The following PLEKHA6 variants were observed in gnomAD, a reference collection of about 807,000 sequenced individuals.
The protein encoded by PLEKHA6 is pleckstrin homology domain-containing family A member 6.
A neutral mutation model predicts 116.7 loss-of-function variants in PLEKHA6; 60 were observed. That is an observed-to-expected ratio of 0.51 (90% confidence interval 0.42 to 0.64). PLEKHA6 has a LOEUF of 0.64. PLEKHA6 is among the 30% of genes least tolerant of loss of function. The probability of loss-of-function intolerance (pLI) is 0.00; values close to 1 mark genes in which losing one functional copy is unlikely to be tolerated. For missense variants in PLEKHA6, 1,338 were observed against 1,422.7 expected (o/e 0.94, Z 0.96); for synonymous variants, 489 against 556.1 (o/e 0.88, Z 1.70).
intron 1 of PLEKHA6, among the ~76,000 whole-genome samples, chr1:204,347,785 T>G (rs1332543202): frequency 6.6e-6 from 1 of 152,148 alleles, no homozygotes; most frequent in Non-Finnish European, 1.5e-5. Flanking sequence ...AAGGTCACCC[T>G]GGACAAGCTG....
intron 2 of PLEKHA6, chr1:204,369,836 C>T (rs1197466058): frequency 2.0e-5 from 3 of 152,210 alleles, no homozygotes; most frequent in African/African-American, 4.8e-5. Context: ...GAAGGTGACA[C>T]CACCATCAAC....
At chr1:204,262,392 T>C (rs1666239572) in intron 6 of PLEKHA6, among the ~76,000 whole-genome samples, 1 of 152,138 alleles carries the variant, frequency 6.6e-6, no homozygotes, top group South Asian at 2.1e-4. Context: ...GTCTGCCTGG[T>C]GAAATTCAAA....
chr1:204,344,195 G>A (rs76862333), intron 1 of PLEKHA6, among the ~76,000 whole-genome samples: 2,838 of 152,246 alleles, frequency 0.019, 95 homozygotes, highest in African/African-American at 0.064. Flanking sequence ...ATATGTAAAT[G>A]AGCTGTTGCT....
At chr1:204,285,331 A>C (rs1313455873) in intron 1 of PLEKHA6, among the ~76,000 whole-genome samples, 1 of 152,268 alleles carries the variant, frequency 6.6e-6, no homozygotes, top group Non-Finnish European at 1.5e-5. Context: ...AAAGAAAGGA[A>C]AATCTGCTGT....
Position 204,264,985 on chromosome 1 carries a change from G to A in PLEKHA6, c.338C>T (p.Ala113Val). 6.2e-7 allele frequency: 1 copy of A among 1,614,146 alleles called. No homozygotes were observed. Among genetic ancestry groups the A allele is most frequent in the Non-Finnish European group, 8.5e-7 (1 of 1,179,966 alleles). The change falls in exon 6 of 23, where the codon GCA becomes GTA. Residue 113 changes from alanine to valine, a missense_variant. By Grantham distance (64) the Ala-to-Val change is moderately conservative. This residue lies in a region of PLEKHA6 where 140 missense variants were observed against 197.4 expected (regional missense o/e 0.71). Coordinates refer to ENST00000272203, the MANE Select transcript of PLEKHA6 (RefSeq NM_014935.5). Reference protein sequence around the residue: ...SIPLLSFRVAAVQPSDNISRK... With the variant: ...SIPLLSFRVAVVQPSDNISRK... The stretch of plus-strand genomic sequence containing the variant: ...GCTGATGTTGTCTGAGGGCTGCACT[G>A]CGGCTACCCGGAAGCTCAGGAGGGG...
chr1:204,230,229 C>T (rs905256945), intron 18 of PLEKHA6, among the ~76,000 whole-genome samples, 184 bp downstream of exon 18: 7 of 152,246 alleles, frequency 4.6e-5, no homozygotes, highest in Non-Finnish European at 8.8e-5. Flanking sequence ...AAGAAAAAGT[C>T]AACACTTGAA....
At chr1:204,331,199 CAAAAAAAA>C (rs5780231) in intron 1 of PLEKHA6, among the ~76,000 whole-genome samples, 3 of 75,824 alleles carry the variant, frequency 4.0e-5, no homozygotes, top group Non-Finnish European at 7.8e-5. Context: ...GACTCTGTCT[CAAAAAAAA>C]AAAAAAAAAA....
At chr1:204,249,691 T>C (rs1239202738) in intron 10 of PLEKHA6, among the ~76,000 whole-genome samples, 1 of 152,134 alleles carries the variant, frequency 6.6e-6, no homozygotes, top group Non-Finnish European at 1.5e-5. Context: ...CTCCCTTCTC[T>C]CTCAAGATCC....
At chr1:204,348,618 A>G (rs1673158583) in intron 1 of PLEKHA6, among the ~76,000 whole-genome samples, 1 of 151,922 alleles carries the variant, frequency 6.6e-6, no homozygotes, top group South Asian at 2.1e-4. Flanking sequence ...TTTTATCACA[A>G]TAAATATTTA....
At chr1:204,341,383 C>T (rs774827310) in intron 1 of PLEKHA6, among the ~76,000 whole-genome samples, 24 of 151,858 alleles carry the variant, frequency 1.6e-4, no homozygotes, top group Non-Finnish European at 2.9e-4. Context: ...CTTTAAAGCA[C>T]CCCCCAGAGG....
chr1:204,220,268 C>A lies in PLEKHA6; in HGVS notation c.*2520G>T, dbSNP rs1476794797. 1 of 152,244 alleles carries A rather than the reference C, an allele frequency of 6.6e-6. No individual in the cohort carries two copies. The highest frequency in any genetic ancestry group is 2.4e-5 in the African/African-American group (1 of 41,462). 9.4% of individuals were successfully genotyped at this position (152,244 alleles called of 1,614,324 possible). On this transcript the variant is annotated 3_prime_UTR_variant, in exon 23 of 23. Transcript: ENST00000272203. ...TTTGTGCATACAACTGCAAACAGTT[C>A]CTTCCAGAGGATTCACGCCTGACAA...
intron 5 of PLEKHA6, 37 bp from the exon 6 acceptor site, chr1:204,265,079 G>A: frequency 4.8e-6 from 7 of 1,466,268 alleles, no homozygotes; most frequent in Non-Finnish European, 6.7e-6. Context: ...GTGTGTGTGT[G>A]TGTGTGCAAG....
Position 204,228,173 on chromosome 1 carries a change from A to C in PLEKHA6, c.2941T>G (p.Ser981Ala). 6.2e-7 allele frequency: 1 copy of C among 1,613,174 alleles called. No homozygotes were observed. The highest frequency in any genetic ancestry group is 8.5e-7 in the Non-Finnish European group (1 of 1,179,410). Residue 981 changes from serine (S) to alanine (A), a missense_variant, in exon 21 of 23, where the codon TCA becomes GCA. Ser to Ala is a moderately conservative substitution (Grantham distance 99). Coordinates refer to ENST00000272203, the MANE Select transcript of PLEKHA6 (RefSeq NM_014935.5). This position sits in a 1 kb window ranked among gnomAD's most constrained non-coding sequence, Gnocchi z 4.0. ...TCCTGCTCCTGCAGCTGGCTCTCTG[A>C]GTCCTGGGGCACGTCCACAGAGTCC... ...EGDSVDVPQD[S>A]ESQLQEQEKR...
intron 3 of PLEKHA6, among the ~76,000 whole-genome samples, chr1:204,271,279 T>C (rs1667424104): frequency 6.6e-6 from 1 of 152,190 alleles, no homozygotes; most frequent in Non-Finnish European, 1.5e-5. Context: ...TCTCTTCCAT[T>C]GCACCATGAG....
At chr1:204,349,573 C>G (rs1341623250) in intron 1 of PLEKHA6, among the ~76,000 whole-genome samples, 1 of 148,942 alleles carries the variant, frequency 6.7e-6, no homozygotes, top group African/African-American at 2.4e-5. Flanking sequence ...TCCTTGAGTT[C>G]TCCTCACAGC....
chr1:204,354,155 A>G (rs200967107), intron 1 of PLEKHA6, among the ~76,000 whole-genome samples: 3 of 152,340 alleles, frequency 2.0e-5, no homozygotes, highest in East Asian at 3.9e-4. Context: ...CAATGATGTC[A>G]GAGCTAAGGA....
chr1:204,264,875 T>C, intron 6 of PLEKHA6, 67 bp downstream of exon 6: 3 of 1,138,346 alleles, frequency 2.6e-6, no homozygotes, highest in South Asian at 2.5e-5. Flanking sequence ...CCCTTCTCCA[T>C]TCCCATAGGC....
Position 204,244,171 on chromosome 1 carries a change from C to T in PLEKHA6, c.2172+693G>A, listed in dbSNP as rs182304517. ...TTTTTGAGATGGAGTCTCCCTCTGT[C>T]ACCAGGCTGAAGTACAGTGGTGCGA... is the stretch of plus-strand genomic sequence containing the variant. On this transcript the variant is annotated intron_variant, in intron 15 of 22. Coordinates refer to ENST00000272203, the MANE Select transcript of PLEKHA6 (RefSeq NM_014935.5). 7.9e-5 allele frequency among the ~76,000 whole-genome samples: 12 copies of T among 151,704 alleles called. No homozygotes were observed. In the East Asian group the frequency reaches 2.3e-3, roughly 30 times the overall value.
chr1:204,228,227 T>A lies in PLEKHA6; in HGVS notation c.2887A>T (p.Met963Leu). 1 of 1,599,994 alleles carries A rather than the reference T, an allele frequency of 6.3e-7. No homozygotes were observed. The highest frequency in any genetic ancestry group is 8.5e-7 in the Non-Finnish European group (1 of 1,171,198). ...RIKTLIAKSSMQNVVPIGEGD... is the reference protein window; with the variant it reads ...RIKTLIAKSSLQNVVPIGEGD... ...TCGCCGATGGGCACCACGTTCTGCA[T>A]ACTGAAGAGGCACAGACACACAGAA... The change falls in exon 21 of 23, where the codon ATG (methionine) becomes TTG (leucine). Residue 963 changes from methionine to leucine, a missense_variant and splice_region_variant. Met to Leu is a conservative substitution (Grantham distance 15). This residue lies in a region of PLEKHA6 where 1,136 missense variants were observed against 1,163.6 expected (regional missense o/e 0.98). Coordinates refer to ENST00000272203, the MANE Select transcript of PLEKHA6 (RefSeq NM_014935.5). This position sits in a 1 kb window ranked among gnomAD's most constrained non-coding sequence, Gnocchi z 4.0.
Sources: gnomAD v4.1 joint callset for allele counts (sites outside exome capture counted in the v4.1 genomes callset) on GRCh38, gnomAD v4.1.1 for gene constraint, gnomAD v4.1.1 regional missense constraint, Gnocchi (gnomAD v3.1) non-coding constraint, MANE v1.5 for transcripts, NCBI Gene and HGNC (gene_info 2026-07-23, HGNC 2026-07-21) for gene names.